QKI: variants seen among roughly 807,000 people sequenced by gnomAD.
The protein encoded by QKI is KH domain-containing RNA-binding protein QKI.
A neutral mutation model predicts 39.0 loss-of-function variants in QKI; 10 were observed. That is an observed-to-expected ratio of 0.26 (90% confidence interval 0.16 to 0.43). The LOEUF (loss-of-function observed/expected upper bound fraction) is 0.43. Ranked by LOEUF, QKI falls within the 20% of genes least tolerant of loss-of-function variation. The probability of loss-of-function intolerance (pLI) is 1.00; values close to 1 mark genes in which losing one functional copy is unlikely to be tolerated. For missense variants in QKI, 218 were observed against 428.0 expected (o/e 0.51, Z 4.33); for synonymous variants, 204 against 155.4 (o/e 1.31, Z -2.33).
chr6:163,415,063 A>AGAGCGGGAGCCGGCGCG lies in QKI; in HGVS notation c.-122_-106dup. On this transcript the variant is annotated 5_prime_UTR_variant, in exon 1 of 8. Transcript: ENST00000361752. Reference sequence around the variant, plus strand: ...CGCCCCGGGGCTCGGCGCGGGAGCCAGAGCGGGAGCCGGCGCGGAGCGGGA... The same window carrying AGAGCGGGAGCCGGCGCG: ...CGCCCCGGGGCTCGGCGCGGGAGCCAGAGCGGGAGCCGGCGCGGAGCGGGAGCCGGCGCGGAGCGGGA... The AGAGCGGGAGCCGGCGCG allele has an allele frequency of 1.5e-6, 1 of 649,352 alleles. No homozygotes were observed. The highest frequency in any genetic ancestry group is 1.9e-6 in the Non-Finnish European group (1 of 538,908). 40.2% of individuals were successfully genotyped at this position (649,352 alleles called of 1,614,324 possible).
chr6:163,455,202 C>A (rs1790831780), intron 1 of QKI, 77 bp from the exon 2 acceptor site: 11 of 1,217,856 alleles, frequency 9.0e-6, no homozygotes, highest in Non-Finnish European at 1.0e-5. Flanking sequence ...AAACCCTCCC[C>A]TGCCCTCTCT....
At chr6:163,506,739 A>G (rs1779119051) in intron 3 of QKI, among the ~76,000 whole-genome samples, 1 of 152,184 alleles carries the variant, frequency 6.6e-6, no homozygotes. Flanking sequence ...GTAGACACTT[A>G]GGAATGCTTA....
At chr6:163,453,580 A>T (rs747970311) in intron 1 of QKI, among the ~76,000 whole-genome samples, 7 of 152,164 alleles carry the variant, frequency 4.6e-5, no homozygotes, top group Non-Finnish European at 7.4e-5. Flanking sequence ...TTGATTTGAG[A>T]ATTGCTGTCA....
intron 1 of QKI, among the ~76,000 whole-genome samples, chr6:163,450,510 C>G (rs963842923): frequency 1.3e-5 from 2 of 152,008 alleles, no homozygotes; most frequent in African/African-American, 2.4e-5. Flanking sequence ...ACTTTAAAAC[C>G]TTTTAGTGAA....
At chr6:163,476,319 C>CT (rs1361222985) in intron 2 of QKI, among the ~76,000 whole-genome samples, 2 of 138,730 alleles carry the variant, frequency 1.4e-5, no homozygotes, top group South Asian at 2.3e-4. Flanking sequence ...GTCCTGTAGT[C>CT]TTTTTTTTCT....
Position 163,530,158 on chromosome 6 carries a change from C to T in QKI, c.403-4824C>T, listed in dbSNP as rs1036468828. On this transcript the variant is annotated intron_variant, in intron 3 of 7. Coordinates refer to ENST00000361752, the MANE Select transcript of QKI (RefSeq NM_006775.3). ...AGTCATGAGCTATTTTTTTCCACATCAGTATCTCAGCTATTAACCCCTGAA... is the reference window on the plus strand; with the variant it reads ...AGTCATGAGCTATTTTTTTCCACATTAGTATCTCAGCTATTAACCCCTGAA... Among the ~76,000 whole-genome samples, 5 of 152,164 alleles carry T rather than the reference C, an allele frequency of 3.3e-5. No individual in the cohort carries two copies. The East Asian group carries it at 9.6e-4, about 29-fold the overall frequency.
At chr6:163,553,641 T>G (rs1213507428) in intron 4 of QKI, among the ~76,000 whole-genome samples, 1 of 152,186 alleles carries the variant, frequency 6.6e-6, no homozygotes, top group Non-Finnish European at 1.5e-5. Context: ...CCTGTTAAGA[T>G]TACTATTACT....
intron 3 of QKI, among the ~76,000 whole-genome samples, chr6:163,533,066 G>A (rs955812150): frequency 6.6e-6 from 1 of 151,476 alleles, no homozygotes; most frequent in African/African-American, 2.4e-5. Context: ...ATATATATGC[G>A]TTTAGTCAAA....
chr6:163,459,461 A>G (rs1258584514), intron 2 of QKI, among the ~76,000 whole-genome samples: 1 of 152,168 alleles, frequency 6.6e-6, no homozygotes, highest in East Asian at 1.9e-4. Flanking sequence ...CCCCCAACAA[A>G]GAATTACCTG....
chr6:163,560,820 G>T (rs140514265), intron 4 of QKI, among the ~76,000 whole-genome samples: 10 of 152,250 alleles, frequency 6.6e-5, no homozygotes, highest in African/African-American at 1.9e-4. Context: ...AGATTGATTG[G>T]AGAACAGACA....
intron 1 of QKI, among the ~76,000 whole-genome samples, chr6:163,444,110 A>G (rs1166176167): frequency 3.3e-5 from 5 of 152,190 alleles, no homozygotes; most frequent in Non-Finnish European, 7.3e-5. Context: ...ACATTTTAGA[A>G]TATATAGTTC....
At chr6:163,435,164 C>G (rs1773796326) in intron 1 of QKI, among the ~76,000 whole-genome samples, 1 of 152,150 alleles carries the variant, frequency 6.6e-6, no homozygotes. Context: ...CATGACATTT[C>G]TATAGAATTT....
chr6:163,415,497 C>T (rs957358685), intron 1 of QKI, among the ~76,000 whole-genome samples, 162 bp downstream of exon 1: 2 of 150,536 alleles, frequency 1.3e-5, no homozygotes, highest in African/African-American at 4.9e-5. Flanking sequence ...CCGGGCCGGG[C>T]TTGCGGCGGG....
chr6:163,455,488 G>A (rs1790849543), intron 2 of QKI, 67 bp downstream of exon 2: 2 of 1,422,828 alleles, frequency 1.4e-6, no homozygotes, highest in Non-Finnish European at 9.6e-7. Context: ...AGATATATTT[G>A]GTGGTAAATA....
At chr6:163,559,240 T>C (rs140289977) in intron 4 of QKI, among the ~76,000 whole-genome samples, 29 of 152,354 alleles carry the variant, frequency 1.9e-4, no homozygotes, top group Non-Finnish European at 8.8e-5. Flanking sequence ...ATTTGCCCTC[T>C]TATTTGCTGA....
intron 1 of QKI, among the ~76,000 whole-genome samples, chr6:163,418,644 A>G (rs1231855390): frequency 5.3e-5 from 8 of 152,136 alleles, no homozygotes; most frequent in African/African-American, 1.4e-4. Flanking sequence ...TTTATTGAAG[A>G]TAGAGATGAT....
chr6:163,564,198 T>A (rs1783209566), intron 6 of QKI: 1 of 1,023,026 alleles, frequency 9.8e-7, no homozygotes, highest in Non-Finnish European at 1.2e-6. Flanking sequence ...TTGCGATCAC[T>A]TAAAATATCA....
chr6:163,519,274 C>T (rs1780008241), intron 3 of QKI, among the ~76,000 whole-genome samples: 5 of 152,066 alleles, frequency 3.3e-5, no homozygotes, highest in Admixed American at 3.3e-4. Context: ...GATATGTAGA[C>T]ATGCAGAGTT....
intron 3 of QKI, among the ~76,000 whole-genome samples, chr6:163,489,875 CTTAGT>C (rs1397655676): frequency 6.6e-6 from 1 of 152,052 alleles, no homozygotes; most frequent in Non-Finnish European, 1.5e-5. Flanking sequence ...ATGTGGAATT[CTTAGT>C]TGAGAAAGGT....
Sources: allele counts gnomAD v4.1 joint callset (sites outside exome capture counted in the v4.1 genomes callset), GRCh38; gene constraint gnomAD v4.1.1; transcripts MANE v1.5; gene names NCBI Gene and HGNC (gene_info 2026-07-23, HGNC 2026-07-21).